Variants in CADM2 observed in about 807,000 individuals in gnomAD.
The protein encoded by CADM2 is cell adhesion molecule 2, also known as immunoglobulin superfamily member 4D.
In CADM2, 12 loss-of-function variants were observed where a neutral mutation model predicts 49.8. The ratio of observed to expected loss-of-function variants is 0.24; its 90% CI spans 0.15 to 0.39. CADM2 has a LOEUF of 0.39. Among genes scored for constraint, CADM2 ranks in the 10% least tolerant of loss-of-function variants. The probability of loss-of-function intolerance (pLI) is 1.00; values close to 1 mark genes in which losing one functional copy is unlikely to be tolerated. For missense variants in CADM2, 378 were observed against 492.3 expected, an observed-to-expected ratio of 0.77 and a Z score of 2.20; for synonymous variants, 214 against 175.4, an observed-to-expected ratio of 1.22 and a Z score of -1.74.
chr3:85,178,544 T>A (rs112893985), intron 1 of CADM2, among the ~76,000 whole-genome samples: 1 of 151,898 alleles, frequency 6.6e-6, no homozygotes, highest in African/African-American at 2.4e-5. Context: ...GAGGCCCATG[T>A]ATTACATACT....
intron 8 of CADM2, among the ~76,000 whole-genome samples, chr3:85,970,932 A>G (rs763442094): frequency 4.0e-5 from 6 of 151,564 alleles, no homozygotes; most frequent in Non-Finnish European, 7.4e-5. Context: ...GGGTTAAGCA[A>G]CTATTTTACA....
At chr3:85,453,178 A>AT (rs1316193747) in intron 1 of CADM2, among the ~76,000 whole-genome samples, 1 of 151,896 alleles carries the variant, frequency 6.6e-6, no homozygotes, top group Non-Finnish European at 1.5e-5. Context: ...ATTCCATTTT[A>AT]TTTTTTTGTT....
At chr3:85,969,685 G>A (rs1263946706) in intron 8 of CADM2, among the ~76,000 whole-genome samples, 1 of 150,752 alleles carries the variant, frequency 6.6e-6, no homozygotes, top group Non-Finnish European at 1.5e-5. Flanking sequence ...TATATTATAT[G>A]CCCTCACACT....
intron 1 of CADM2, among the ~76,000 whole-genome samples, chr3:85,135,601 T>C (rs571713422): frequency 7.2e-5 from 11 of 152,176 alleles, no homozygotes; most frequent in Non-Finnish European, 1.5e-4. Flanking sequence ...AAAATTAGCC[T>C]CAATAAGTTT....
At chr3:85,929,299 G>T (rs1720300923) in intron 6 of CADM2, among the ~76,000 whole-genome samples, 1 of 151,812 alleles carries the variant, frequency 6.6e-6, no homozygotes, top group African/African-American at 2.4e-5. Context: ...AGTAAAATTT[G>T]GTTTAGAAAA....
At chr3:85,441,859 T>C (rs951909878) in intron 1 of CADM2, among the ~76,000 whole-genome samples, 1 of 151,500 alleles carries the variant, frequency 6.6e-6, no homozygotes, top group Admixed American at 6.6e-5. Flanking sequence ...CAATGCAGAA[T>C]TGAGAGGAGT....
Position 85,633,648 on chromosome 3 carries a change from T to C in CADM2, c.62-92874T>C, listed in dbSNP as rs1576980794. Among the ~76,000 whole-genome samples the C allele has an allele frequency of 1.3e-5, 2 of 152,160 alleles. 1 individual carries two copies. Among genetic ancestry groups the C allele is most frequent in the East Asian group, 3.9e-4 (2 of 5,168 alleles). On this transcript the variant is annotated intron_variant, in intron 1 of 9. Coordinates refer to ENST00000383699, the MANE Select transcript of CADM2 (RefSeq NM_001167675.2). The stretch of plus-strand genomic sequence containing the variant: ...AGCCACTAATACATGTAATCCTGTT[T>C]TTCATAGAATATCATAGTCGCAACT...
At chr3:85,776,250 TA>T (rs1250150114) in intron 2 of CADM2, among the ~76,000 whole-genome samples, 1 of 151,574 alleles carries the variant, frequency 6.6e-6, no homozygotes, top group Admixed American at 6.6e-5. Flanking sequence ...TTTTAAATGA[TA>T]AAACAGACTT....
chr3:85,337,044 A>AAT (rs540413952), intron 1 of CADM2, among the ~76,000 whole-genome samples: 132 of 135,476 alleles, frequency 9.7e-4, no homozygotes, highest in East Asian at 3.5e-3. Context: ...TATATATATA[A>AAT]ATATATATAT....
intron 5 of CADM2, among the ~76,000 whole-genome samples, chr3:85,894,136 G>T (rs1714872529): frequency 6.6e-6 from 1 of 152,156 alleles, no homozygotes; most frequent in Non-Finnish European, 1.5e-5. Context: ...AGAAAATGTG[G>T]CACATATACA....
chr3:85,216,751 A>G (rs956088662), intron 1 of CADM2, among the ~76,000 whole-genome samples: 1 of 152,134 alleles, frequency 6.6e-6, no homozygotes, highest in Non-Finnish European at 1.5e-5. Flanking sequence ...GGTCATATTT[A>G]TGATTATTTG....
rs200706091 is a variant in CADM2, at chr3:86,067,117, GT to G, written c.*341del. The G allele has an allele frequency of 1.6e-3, 317 of 197,164 alleles. 2 individuals carry two copies. The highest frequency in any genetic ancestry group is 6.6e-3 in the African/African-American group (284 of 42,764). The allele number at this position is 197,164 out of a possible 1,614,324, so 12.2% of individuals were successfully genotyped here. A position where few individuals can be genotyped will look rare whatever the true frequency, so the allele number is the denominator to read the frequency against. On this transcript the variant is annotated 3_prime_UTR_variant, in exon 10 of 10. Coordinates refer to ENST00000383699, the MANE Select transcript of CADM2 (RefSeq NM_001167675.2). Reference sequence around the variant, plus strand: ...TTATACATTAAAAAATGTATGCAGAGTTTTTTTCCCCCATTTTTTCCCCTTT... The same window carrying G: ...TTATACATTAAAAAATGTATGCAGAGTTTTTTCCCCCATTTTTTCCCCTTT...
intron 1 of CADM2, among the ~76,000 whole-genome samples, chr3:85,017,868 T>A (rs934120771): frequency 6.6e-6 from 1 of 152,292 alleles, no homozygotes; most frequent in African/African-American, 2.4e-5. Flanking sequence ...GAGTCAAAGA[T>A]CAATGAAATA....
At chr3:85,090,050 T>C (rs2037536119) in intron 1 of CADM2, among the ~76,000 whole-genome samples, 4 of 152,090 alleles carry the variant, frequency 2.6e-5, no homozygotes, top group Admixed American at 2.6e-4. Context: ...CCAGACATAA[T>C]ATTGAAATTA....
chr3:85,759,192 A>G (rs182759073), intron 2 of CADM2, among the ~76,000 whole-genome samples: 1 of 152,184 alleles, frequency 6.6e-6, no homozygotes, highest in East Asian at 1.9e-4. Context: ...ATCTTACCAG[A>G]GAATAAAAGA....
chr3:85,463,063 A>C (rs1200149454), intron 1 of CADM2, among the ~76,000 whole-genome samples: 3 of 152,144 alleles, frequency 2.0e-5, no homozygotes, highest in Admixed American at 1.3e-4. Context: ...TAAATTATTT[A>C]AGCCATATGA....
At chr3:85,775,165 A>G (rs961298662) in intron 2 of CADM2, among the ~76,000 whole-genome samples, 3 of 151,792 alleles carry the variant, frequency 2.0e-5, no homozygotes, top group Non-Finnish European at 4.4e-5. Context: ...GACCATACTG[A>G]GCATCTGTGT....
intron 1 of CADM2, among the ~76,000 whole-genome samples, chr3:85,438,988 T>G (rs1221121941): frequency 6.7e-6 from 1 of 149,450 alleles, no homozygotes; most frequent in Non-Finnish European, 1.5e-5. Flanking sequence ...ATGCCTGGCC[T>G]CATCTTATTT....
chr3:85,421,593 T>C (rs761873555), intron 1 of CADM2, among the ~76,000 whole-genome samples: 2 of 152,206 alleles, frequency 1.3e-5, no homozygotes, highest in Non-Finnish European at 2.9e-5. Context: ...ACTGATTACC[T>C]ACACCTCATG....
Sources: allele counts gnomAD v4.1 joint callset (sites outside exome capture counted in the v4.1 genomes callset), GRCh38; gene constraint gnomAD v4.1.1; transcripts MANE v1.5; gene names NCBI Gene and HGNC (gene_info 2026-07-23, HGNC 2026-07-21).